Variants in BLTP1 observed in about 807,000 individuals in gnomAD.
The protein encoded by BLTP1 is bridge-like lipid transfer protein family member 1.
chr4:122,280,171 GTGT>G, the BLTP1 span: 3 of 985,314 alleles, frequency 3.0e-6, no homozygotes, highest in African/African-American at 5.2e-5. Flanking sequence ...TTAAAGTACA[GTGT>G]CGTCAGTGCA....
the BLTP1 span, chr4:122,239,537 A>T: frequency 6.3e-7 from 1 of 1,586,448 alleles, no homozygotes; most frequent in Admixed American, 1.7e-5. Context: ...AAATTTCAGG[A>T]AACAGCCCTG....
chr4:122,240,074 A>C, the BLTP1 span: 10 of 1,614,036 alleles, frequency 6.2e-6, no homozygotes, highest in Non-Finnish European at 7.6e-6. Flanking sequence ...CTCAGGCTTC[A>C]TTTGTTTCTG....
chr4:122,349,352 T>G, the BLTP1 span: 1 of 1,591,844 alleles, frequency 6.3e-7, no homozygotes, highest in Non-Finnish European at 8.6e-7. This position sits in a 1 kb window ranked among gnomAD's most constrained non-coding sequence, Gnocchi z 4.5. Flanking sequence ...AACATATCCT[T>G]AAGATATATA....
At chr4:122,328,795 T>C in the BLTP1 span, 2 of 973,624 alleles carry the variant, frequency 2.1e-6, no homozygotes, top group Non-Finnish European at 2.4e-6. Context: ...AGAAATAACA[T>C]GAAATGGTGT....
chr4:122,185,153 G>T, the BLTP1 span: 1 of 983,528 alleles, frequency 1.0e-6, no homozygotes, highest in Non-Finnish European at 1.2e-6. Flanking sequence ...AATTACAGTA[G>T]ATTACTAGGT....
chr4:122,229,943 C>T, the BLTP1 span: 4 of 1,611,794 alleles, frequency 2.5e-6, no homozygotes, highest in Admixed American at 1.7e-5. Context: ...GGGTGCAATT[C>T]GAGTTGCAAA....
chr4:122,210,549 G>A, the BLTP1 span, among the ~76,000 whole-genome samples: 6,039 of 152,134 alleles, frequency 0.04, 165 homozygotes, highest in East Asian at 0.14. Context: ...AAAAAATTTT[G>A]TAGTTAGTGC....
chr4:122,306,133 A>T, the BLTP1 span: 1 of 1,299,730 alleles, frequency 7.7e-7, no homozygotes, highest in Non-Finnish European at 1.0e-6. Flanking sequence ...ACTGGTGTAA[A>T]TGCTTGACAG....
the BLTP1 span, among the ~76,000 whole-genome samples, chr4:122,203,262 T>C: frequency 6.6e-6 from 1 of 151,904 alleles, no homozygotes; most frequent in African/African-American, 2.4e-5. Context: ...GAGATTTCAA[T>C]GTGGGACAAA....
At chr4:122,203,166 A>AATT in the BLTP1 span, among the ~76,000 whole-genome samples, 2 of 151,922 alleles carry the variant, frequency 1.3e-5, no homozygotes, top group Admixed American at 1.3e-4. Flanking sequence ...ATAGAAAAGA[A>AATT]ATTATCTCTC....
chr4:122,348,656 G>A, the BLTP1 span: 2 of 1,612,354 alleles, frequency 1.2e-6, no homozygotes, highest in Non-Finnish European at 1.7e-6. Context: ...TGTCGTGTTT[G>A]CTATCAACTT....
chr4:122,255,764 C>T, the BLTP1 span, among the ~76,000 whole-genome samples: 242 of 152,212 alleles, frequency 1.6e-3, 6 homozygotes, highest in East Asian at 0.037. Flanking sequence ...ATGAGATTTC[C>T]AGGAATGCTA....
At chr4:122,319,300 A>T in the BLTP1 span, among the ~76,000 whole-genome samples, 3 of 151,944 alleles carry the variant, frequency 2.0e-5, no homozygotes, top group Non-Finnish European at 4.4e-5. Flanking sequence ...TTTCTAAGAT[A>T]GAAGTTTAGA....
the BLTP1 span, chr4:122,333,830 G>T: frequency 1.9e-6 from 3 of 1,596,050 alleles, no homozygotes; most frequent in African/African-American, 1.4e-5. Flanking sequence ...AATTGCCTAG[G>T]GTAAGGGATT....
the BLTP1 span, chr4:122,197,839 G>C: frequency 2.9e-6 from 1 of 341,896 alleles, no homozygotes. Flanking sequence ...TGAAATATGG[G>C]CACTGACACA....
At chr4:122,279,416 A>G in the BLTP1 span, among the ~76,000 whole-genome samples, 2 of 152,180 alleles carry the variant, frequency 1.3e-5, no homozygotes, top group African/African-American at 2.4e-5. Context: ...AAGGCTTTTT[A>G]TAAAGCATCA....
the BLTP1 span, among the ~76,000 whole-genome samples, chr4:122,296,282 A>AAGAGACCCAAATCATG: frequency 9.8e-5 from 15 of 152,296 alleles, no homozygotes; most frequent in Admixed American, 4.6e-4. Flanking sequence ...AACAGGCAAG[A>AAGAGACCCAAATCATG]AGAGACCCAA....
At chr4:122,204,252 C>T in the BLTP1 span, 11 of 771,198 alleles carry the variant, frequency 1.4e-5, no homozygotes, top group Non-Finnish European at 1.7e-5. Context: ...GCATGTAAGA[C>T]CTGAGTACAG....
chr4:122,209,138 C>G, the BLTP1 span: 1 of 1,588,728 alleles, frequency 6.3e-7, no homozygotes, highest in South Asian at 1.1e-5. Flanking sequence ...ATTACTTTGG[C>G]TTATTATAAT....
Sources: gnomAD v4.1 joint callset for allele counts (sites outside exome capture counted in the v4.1 genomes callset) on GRCh38, gnomAD v4.1.1 for gene constraint, Gnocchi (gnomAD v3.1) non-coding constraint, MANE v1.5 for transcripts, NCBI Gene and HGNC (gene_info 2026-07-23, HGNC 2026-07-21) for gene names.